Variants in CARD14 observed in about 807,000 individuals in gnomAD.
CARD14 encodes the protein caspase recruitment domain-containing protein 14.
In CARD14, 107 loss-of-function variants were observed where a neutral mutation model predicts 111.5. That is an observed-to-expected ratio of 0.96 (90% CI 0.82 to 1.13). CARD14 has a LOEUF of 1.13. CARD14 is among the 50% of genes most tolerant of loss of function. The pLI is 0.00. For synonymous variants in CARD14, 617 were observed against 579.6 expected (o/e 1.06, Z -0.93); for missense variants, 1,322 against 1,362.3 (o/e 0.97, Z 0.47).
At position 80,181,501 on chromosome 17, in the gene CARD14, G is replaced by A. The variant is rs773137252; in HGVS notation, c.63G>A (p.Glu21=). The A allele has an allele frequency of 2.5e-6, 4 of 1,588,456 alleles. No homozygotes were observed. The highest frequency in any genetic ancestry group is 3.3e-4 in the Middle Eastern group (2 of 6,024). Residue 21 remains glutamate, a synonymous_variant, in exon 5 of 24, where the codon GAG becomes GAA. Transcript: ENST00000648509. ...CACTGGACGAGGAGACACTGTGGGA[G>A]ATGATGGAGAGCCACCGCCACAGGA... The part of the protein sequence containing the change: ...LTALDEETLW[E]MMESHRHRIV...
Position 80,182,596 on chromosome 17 carries a change from G to A in CARD14, c.212-57G>A. The A allele has an allele frequency of 7.5e-6, 12 of 1,600,372 alleles. No individual in the cohort carries two copies. In the South Asian group the frequency reaches 1.3e-4, roughly 18 times the overall value. On this transcript the variant is annotated intron_variant, in intron 5 of 23. Coordinates refer to ENST00000648509, the MANE Select transcript of CARD14 (RefSeq NM_001366385.1). This position sits in a 1 kb window ranked among gnomAD's most constrained non-coding sequence, Gnocchi z 4.7. ...CTCCCCCGTGGGGAAGCCAGCCAGGGAGCCCAGCCCCCTTGGTAGCTGGGT... is the reference window on the plus strand; with the variant it reads ...CTCCCCCGTGGGGAAGCCAGCCAGGAAGCCCAGCCCCCTTGGTAGCTGGGT...
At chr17:80,207,138 C>T in intron 23 of CARD14, 53 bp downstream of exon 23, 1 of 1,337,612 alleles carries the variant, frequency 7.5e-7, no homozygotes, top group Non-Finnish European at 1.1e-6. Context: ...CCTGGGCTCC[C>T]CCAAAGCCCA....
chr17:80,205,246 CCCTCCCTCCCTCCTCCCCTT>C (rs777870319), intron 21 of CARD14, 41 bp downstream of exon 21: 3 of 1,485,810 alleles, frequency 2.0e-6, no homozygotes, highest in Non-Finnish European at 2.8e-6. Flanking sequence ...CTTCCACCTT[CCCTCCCTCCCTCCTCCCCTT>C]CCTCCCTCCT....
rs1231978182 is a variant in CARD14, at chr17:80,189,921, AG to A, written c.963+53del. ...TTGTGACTCTCCTGGGGCTTGTCTC[AG>A]GGGTGCGGACAGGTCTGTGGGGAAG... On this transcript the variant is annotated intron_variant, in intron 9 of 23. Coordinates refer to ENST00000648509, the MANE Select transcript of CARD14 (RefSeq NM_001366385.1). The surrounding 1 kb of genome is among the most constrained non-coding windows in gnomAD (Gnocchi z 4.7). The A allele has an allele frequency of 1.3e-6, 2 of 1,566,440 alleles. No homozygotes were observed. Among genetic ancestry groups the A allele is most frequent in the Admixed American group, 4.1e-5 (2 of 48,770 alleles).
intron 20 of CARD14, 77 bp downstream of exon 20, chr17:80,204,418 C>G: frequency 7.2e-7 from 1 of 1,386,428 alleles, no homozygotes; most frequent in Non-Finnish European, 9.7e-7. Flanking sequence ...GCTAGTTGGT[C>G]AGCTGGGGCA....
Position 80,201,982 on chromosome 17 carries a change from G to A in CARD14, c.1978+112G>A, listed in dbSNP as rs1180120156. ...CAGCCAGGGACCCCCAGAGCCAAGAGAGGATCAGCCAGGCTGTGCCCCAGG... is the reference window on the plus strand; with the variant it reads ...CAGCCAGGGACCCCCAGAGCCAAGAAAGGATCAGCCAGGCTGTGCCCCAGG... On this transcript the variant is annotated intron_variant, in intron 17 of 23. Coordinates refer to ENST00000648509, the MANE Select transcript of CARD14 (RefSeq NM_001366385.1). The surrounding 1 kb of genome is among the most constrained non-coding windows in gnomAD (Gnocchi z 5.0). 1.4e-6 allele frequency: 2 copies of A among 1,417,122 alleles called. No individual in the cohort carries two copies. Among genetic ancestry groups the A allele is most frequent in the African/African-American group, 2.9e-5 (2 of 69,966 alleles). The allele number at this position is 1,417,122 out of a possible 1,614,324, so 87.8% of individuals were successfully genotyped here. A position where few individuals can be genotyped will look rare whatever the true frequency, so the allele number is the denominator to read the frequency against.
chr17:80,182,626 C>T lies in CARD14; in HGVS notation c.212-27C>T. The T allele has an allele frequency of 6.2e-7, 1 of 1,612,658 alleles. No individual in the cohort carries two copies. ...CAGCCCCCTTGGTAGCTGGGTTCTG[C>T]CCAGACAGACGGTTCTGCCTCCCAA... On this transcript the variant is annotated intron_variant, in intron 5 of 23. Coordinates refer to ENST00000648509, the MANE Select transcript of CARD14 (RefSeq NM_001366385.1). This position sits in a 1 kb window ranked among gnomAD's most constrained non-coding sequence, Gnocchi z 4.7.
At position 80,209,269 on chromosome 17, in the gene CARD14, T is replaced by C. The variant is rs1011667097; in HGVS notation, c.*924T>C. 2.7e-5 allele frequency: 26 copies of C among 965,234 alleles called. No homozygotes were observed. Among genetic ancestry groups the C allele is most frequent in the Non-Finnish European group, 3.0e-5 (24 of 811,642 alleles). The allele number at this position is 965,234 out of a possible 1,614,324, so 59.8% of individuals were successfully genotyped here. On this transcript the variant is annotated 3_prime_UTR_variant, in exon 24 of 24. Coordinates refer to ENST00000648509, the MANE Select transcript of CARD14 (RefSeq NM_001366385.1). ...TGTTCTAGAATTCAGGTTGGTATCA[T>C]CATAAATGAGTTCAGAAAAAGAACT...
chr17:80,191,445 C>T lies in CARD14; in HGVS notation c.1212C>T (p.Arg404=). The change falls in exon 11 of 24, where the codon CGC becomes CGT. Residue 404 remains arginine (R), a synonymous_variant. Coordinates refer to ENST00000648509, the MANE Select transcript of CARD14 (RefSeq NM_001366385.1). ...TCTGCGAGCTGCGCACACAGCTTCGCCAGCTGCAGGCAGAGCCTCCGGGTG... is the reference window on the plus strand; with the variant it reads ...TCTGCGAGCTGCGCACACAGCTTCGTCAGCTGCAGGCAGAGCCTCCGGGTG... ...DQVCELRTQL[R]QLQAEPPGVL... The T allele has an allele frequency of 1.2e-6, 2 of 1,613,136 alleles. No individual in the cohort carries two copies. The highest frequency in any genetic ancestry group is 2.2e-5 in the East Asian group (1 of 44,856).
intron 10 of CARD14, 91 bp from the exon 11 acceptor site, chr17:80,191,232 T>C: frequency 6.8e-7 from 1 of 1,480,254 alleles, no homozygotes; most frequent in Non-Finnish European, 9.3e-7. Context: ...GGATGTCAGA[T>C]GAGCGCAGGC....
At chr17:80,181,675 C>A in intron 5 of CARD14, 26 bp downstream of exon 5, 1 of 1,522,466 alleles carries the variant, frequency 6.6e-7, no homozygotes, top group Non-Finnish European at 8.8e-7. Flanking sequence ...TCTTCCCCAC[C>A]TCTTCCAGCT....
intron 7 of CARD14, chr17:80,187,755 G>A (rs1567876448): frequency 1.0e-6 from 1 of 985,380 alleles, no homozygotes; most frequent in Non-Finnish European, 1.2e-6. Context: ...AGGACGGGAA[G>A]AGGGCGGGCC....
rs527869153 is a variant in CARD14, at chr17:80,198,897, C to T, written c.1851+306C>T. 32 of 1,296,968 alleles carry T rather than the reference C, an allele frequency of 2.5e-5. No homozygotes were observed. Among genetic ancestry groups the T allele is most frequent in the South Asian group, 1.2e-4 (5 of 40,224 alleles). The allele number at this position is 1,296,968 out of a possible 1,614,324, so 80.3% of individuals were successfully genotyped here. A position where few individuals can be genotyped will look rare whatever the true frequency, so the allele number is the denominator to read the frequency against. On this transcript the variant is annotated intron_variant, in intron 16 of 23. Coordinates refer to ENST00000648509, the MANE Select transcript of CARD14 (RefSeq NM_001366385.1). The surrounding 1 kb of genome is among the most constrained non-coding windows in gnomAD (Gnocchi z 7.5). The stretch of plus-strand genomic sequence containing the variant: ...CTTTGGGTGTGTACAGTAAAATACA[C>T]GTGACATAAAATTCACTATTTTAAC...
At chr17:80,204,046 G>T (rs1192087076) in intron 19 of CARD14, 161 bp downstream of exon 19, 6 of 800,658 alleles carry the variant, frequency 7.5e-6, no homozygotes, top group Non-Finnish European at 1.2e-5. Context: ...GGCAGGGTCT[G>T]CAGCCCCTGC....
chr17:80,206,245 G>A (rs996312719), intron 22 of CARD14, among the ~76,000 whole-genome samples: 4 of 151,702 alleles, frequency 2.6e-5, no homozygotes, highest in Admixed American at 2.6e-4. Context: ...TGGGAGGATC[G>A]CTTGAGCCCA....
Position 80,189,036 on chromosome 17 carries a change from G to A in CARD14, c.843+492G>A, listed in dbSNP as rs868849194. Among the ~76,000 whole-genome samples the A allele has an allele frequency of 3.9e-5, 6 of 152,276 alleles. No homozygotes were observed. The highest frequency in any genetic ancestry group is 1.4e-4 in the African/African-American group (6 of 41,550). Reference sequence around the variant, plus strand: ...ACTGCACTCCAGCCTGGCGACAGAGGGAGACCCTGTCTCAAACAAACAAAA... The same window carrying A: ...ACTGCACTCCAGCCTGGCGACAGAGAGAGACCCTGTCTCAAACAAACAAAA... On this transcript the variant is annotated intron_variant, in intron 8 of 23. Transcript: ENST00000648509. This position sits in a 1 kb window ranked among gnomAD's most constrained non-coding sequence, Gnocchi z 4.7.
chr17:80,191,590 C>A (rs2040530957), intron 11 of CARD14, 118 bp downstream of exon 11: 4 of 1,295,746 alleles, frequency 3.1e-6, no homozygotes, highest in Admixed American at 2.1e-5. Context: ...GGGTCCCAGG[C>A]TGGGCCACAC....
Position 80,191,337 on chromosome 17 carries a change from G to A in CARD14, c.1104G>A (p.Arg368=). Residue 368 remains arginine (R), a synonymous_variant, in exon 11 of 24, where the codon AGG becomes AGA. Coordinates refer to ENST00000648509, the MANE Select transcript of CARD14 (RefSeq NM_001366385.1). ...GTGGCCCACAGGCGTACTCCGCGAG[G>A]GACAGTGCTCAGAGGGAGATTTCCC... ...QKERDQAYSA[R]DSAQREISQS... 6.2e-7 allele frequency: 1 copy of A among 1,613,492 alleles called. No homozygotes were observed. The highest frequency in any genetic ancestry group is 8.5e-7 in the Non-Finnish European group (1 of 1,179,652).
Position 80,203,777 on chromosome 17 carries a change from C to G in CARD14, c.2220-45C>G, listed in dbSNP as rs1454140119. 1.3e-6 allele frequency: 2 copies of G among 1,514,236 alleles called. No homozygotes were observed. Among genetic ancestry groups the G allele is most frequent in the Non-Finnish European group, 1.8e-6 (2 of 1,114,962 alleles). The allele number at this position is 1,514,236 out of a possible 1,614,324, so 93.8% of individuals were successfully genotyped here. On this transcript the variant is annotated intron_variant, in intron 18 of 23. Transcript: ENST00000648509. The surrounding 1 kb of genome is among the most constrained non-coding windows in gnomAD (Gnocchi z 4.6). ...GCTCGGCTCTCCCCTGCCCTGCTCA[C>G]CTGGCAGGAGGCAGCTGGGTCAGGG...
Sources: allele counts gnomAD v4.1 joint callset (sites outside exome capture counted in the v4.1 genomes callset), GRCh38; gene constraint gnomAD v4.1.1; non-coding constraint Gnocchi (gnomAD v3.1); transcripts MANE v1.5; gene names NCBI Gene and HGNC (gene_info 2026-07-23, HGNC 2026-07-21).